SMC6: variants seen among roughly 807,000 people sequenced by gnomAD.
SMC6 encodes structural maintenance of chromosomes protein 6.
In SMC6, 79 loss-of-function variants were observed where a neutral mutation model predicts 142.2. That is an observed-to-expected ratio of 0.56 (90% CI 0.46 to 0.67). The LOEUF is 0.67. Ranked by LOEUF, SMC6 falls within the 30% of genes least tolerant of loss-of-function variation. The pLI is 0.00. For missense variants in SMC6, 1,072 were observed against 1,284.0 expected (o/e 0.83, Z 2.52); for synonymous variants, 411 against 412.4 (o/e 1.00, Z 0.04).
At chr2:17,736,990 C>A (rs1328490558) in intron 5 of SMC6, among the ~76,000 whole-genome samples, 1 of 152,002 alleles carries the variant, frequency 6.6e-6, no homozygotes, top group Admixed American at 6.5e-5. Flanking sequence ...GTTAAAATAA[C>A]TAATTTTTTG....
At chr2:17,683,944 G>A (rs1239266027) in intron 23 of SMC6, among the ~76,000 whole-genome samples, 181 bp from the exon 24 acceptor site, 3 of 152,100 alleles carry the variant, frequency 2.0e-5, no homozygotes, top group African/African-American at 2.4e-5. Context: ...AGGGTGGTAC[G>A]GAATAAGAAA....
Position 17,707,349 on chromosome 2 carries a change from A to T in SMC6, c.1876T>A (p.Ser626Thr). 1 of 1,582,582 alleles carries T rather than the reference A, an allele frequency of 6.3e-7. No homozygotes were observed. The highest frequency in any genetic ancestry group is 8.6e-7 in the Non-Finnish European group (1 of 1,166,956). The change falls in exon 18 of 28, where the codon TCC (serine) becomes ACC (threonine). Residue 626 changes from serine (S) to threonine (T), a missense_variant. Physicochemically the swap from Ser to Thr is moderately conservative, Grantham distance 58. Transcript: ENST00000448223. ...NNSVARAVMQ[S>T]QKPPKNCREA... is the part of the protein sequence containing the mutation. ...CTACAATTTTTGGGTGGCTTTTGGG[A>T]CTGCATTACTGCACGAGCTACAGAA...
intron 7 of SMC6, among the ~76,000 whole-genome samples, chr2:17,728,661 G>C (rs1394105961): frequency 6.6e-6 from 1 of 152,132 alleles, no homozygotes; most frequent in African/African-American, 2.4e-5. Context: ...AGACAAATAT[G>C]ATCAGACACT....
intron 1 of SMC6, among the ~76,000 whole-genome samples, chr2:17,753,338 T>G (rs1671176387): frequency 6.6e-6 from 1 of 151,708 alleles, no homozygotes; most frequent in African/African-American, 2.4e-5. Context: ...GACGGCCGCC[T>G]GGGAGGGGAC....
Position 17,739,841 on chromosome 2 carries a change from CACAG to C in SMC6, c.239-1519_239-1516del, listed in dbSNP as rs1352489553. Among the ~76,000 whole-genome samples, 75 of 86,810 alleles carry C rather than the reference CACAG, an allele frequency of 8.6e-4. 1 individual carries two copies. Among genetic ancestry groups the C allele is most frequent in the African/African-American group, 3.9e-3 (71 of 18,174 alleles). The allele number at this position is 86,810 out of a possible 152,430, so 57.0% of individuals were successfully genotyped here. On this transcript the variant is annotated intron_variant, in intron 4 of 27. Coordinates refer to ENST00000448223, the MANE Select transcript of SMC6 (RefSeq NM_001142286.2). ...CTTTAAACACACACACACACACACA[CACAG>C]ACACACACACACACACACACAGAGA...
At chr2:17,686,477 G>C (rs144073584) in intron 23 of SMC6, among the ~76,000 whole-genome samples, 1 of 152,162 alleles carries the variant, frequency 6.6e-6, no homozygotes, top group African/African-American at 2.4e-5. Context: ...GTGAGACTCC[G>C]TCCCAAAAAG....
Position 17,718,238 on chromosome 2 carries a change from C to A in SMC6, c.946-15G>T. 6.4e-7 allele frequency: 1 copy of A among 1,555,680 alleles called. No individual in the cohort carries two copies. Among genetic ancestry groups the A allele is most frequent in the South Asian group, 1.3e-5 (1 of 79,290 alleles). On this transcript the variant is annotated splice_polypyrimidine_tract_variant and intron_variant, in intron 11 of 27. Coordinates refer to ENST00000448223, the MANE Select transcript of SMC6 (RefSeq NM_001142286.2). ...TTAAGTCTGACCTTTAAGAAAATAA[C>A]ATTATTGAAGTATATTTTTTCTTCA...
chr2:17,701,843 C>T lies in SMC6; in HGVS notation c.2209G>A (p.Asp737Asn). ...AAGTATTTTACCAAAGTTGCAATAT[C>T]TACAGACTGGTGTTCTTCTATGTTC... Reference protein sequence around the residue: ...LENIEEHQSVDIATLEDEAQE... With the variant: ...LENIEEHQSVNIATLEDEAQE... The change falls in exon 20 of 28, where the codon GAT (aspartate) becomes AAT (asparagine). Residue 737 changes from aspartate (D) to asparagine (N), a missense_variant. This residue lies in a region of SMC6 where 994 missense variants were observed against 1,153.2 expected (regional missense o/e 0.86). Transcript: ENST00000448223. 1 of 1,572,398 alleles carries T rather than the reference C, an allele frequency of 6.4e-7. No individual in the cohort carries two copies. The highest frequency in any genetic ancestry group is 8.6e-7 in the Non-Finnish European group (1 of 1,156,456).
chr2:17,721,436 C>T (rs181085914), intron 9 of SMC6, among the ~76,000 whole-genome samples, 175 bp from the exon 10 acceptor site: 1 of 152,096 alleles, frequency 6.6e-6, no homozygotes, highest in East Asian at 1.9e-4. Flanking sequence ...TTTAGTAAGT[C>T]CAATAATTTT....
chr2:17,731,770 C>T lies in SMC6; in HGVS notation c.452G>A (p.Ser151Asn). 3.1e-6 allele frequency: 5 copies of T among 1,613,246 alleles called. No homozygotes were observed. The highest frequency in any genetic ancestry group is 4.2e-6 in the Non-Finnish European group (5 of 1,179,660). The change falls in exon 6 of 28, where the codon AGT (serine) becomes AAT (asparagine). Residue 151 changes from serine to asparagine, a missense_variant. Around this residue, in one of 3 missense-constraint regions of SMC6, gnomAD observed 994 missense variants for 1,153.2 expected, o/e 0.86. Transcript: ENST00000448223. Reference sequence around the variant, plus strand: ...TGCACTTTTAAGTTTATAAGATCGACTTCCATCTATGCTGATGTGTTGCTG... The same window carrying T: ...TGCACTTTTAAGTTTATAAGATCGATTTCCATCTATGCTGATGTGTTGCTG... ...LIQQHISIDG[S>N]RSYKLKSATG...
chr2:17,670,377 C>T, intron 26 of SMC6, 46 bp downstream of exon 26: 1 of 1,564,422 alleles, frequency 6.4e-7, no homozygotes, highest in Admixed American at 1.9e-5. Context: ...ATACATGTTT[C>T]AAACAAACAA....
chr2:17,694,286 T>C (rs939382722), intron 23 of SMC6, among the ~76,000 whole-genome samples: 1 of 152,162 alleles, frequency 6.6e-6, no homozygotes, highest in Non-Finnish European at 1.5e-5. Context: ...TGCTGTTTGA[T>C]AGCACAGTAG....
intron 21 of SMC6, among the ~76,000 whole-genome samples, chr2:17,698,120 C>T (rs954316302): frequency 2.0e-5 from 3 of 151,940 alleles, no homozygotes; most frequent in Non-Finnish European, 4.4e-5. Flanking sequence ...TTTGTTTTTG[C>T]CAGGGGATGG....
At chr2:17,713,544 G>A in intron 16 of SMC6, 1 of 471,066 alleles carries the variant, frequency 2.1e-6, no homozygotes, top group Non-Finnish European at 4.4e-6. Flanking sequence ...TCACAGAGCA[G>A]GCCCCACCAG....
At chr2:17,740,399 T>C (rs1223568376) in intron 4 of SMC6, among the ~76,000 whole-genome samples, 2 of 152,178 alleles carry the variant, frequency 1.3e-5, no homozygotes, top group Non-Finnish European at 2.9e-5. Flanking sequence ...CCTCTCCCTG[T>C]GTACCTTCTC....
rs111602152 is a variant in SMC6 at position 17,697,401 on chromosome 2, T to C, written c.2395-975A>G. On this transcript the variant is annotated intron_variant, in intron 21 of 27. Coordinates refer to ENST00000448223, the MANE Select transcript of SMC6 (RefSeq NM_001142286.2). ...GGTCAATACAAAATTCAGTCATCTA[T>C]CTATATACTAGGAATAATTGAAAAA... is the stretch of plus-strand genomic sequence containing the variant. Among the ~76,000 whole-genome samples, 1,448 of 152,176 alleles carry C rather than the reference T, an allele frequency of 9.5e-3. 19 individuals are homozygous for C. Among genetic ancestry groups the C allele is most frequent in the African/African-American group, 0.034 (1,412 of 41,572 alleles).
chr2:17,666,591 T>C (rs1221052483), intron 26 of SMC6, 74 bp from the exon 27 acceptor site: 2 of 1,040,252 alleles, frequency 1.9e-6, no homozygotes, highest in Non-Finnish European at 1.5e-6. Flanking sequence ...TTCTGTGGGC[T>C]GATACAAGCT....
chr2:17,693,088 A>C (rs938199009), intron 23 of SMC6, among the ~76,000 whole-genome samples: 1 of 152,182 alleles, frequency 6.6e-6, no homozygotes, highest in African/African-American at 2.4e-5. Context: ...AGAAATAGGA[A>C]CACTTTTACA....
chr2:17,721,315 A>G, intron 9 of SMC6, 54 bp from the exon 10 acceptor site: 3 of 1,482,694 alleles, frequency 2.0e-6, no homozygotes, highest in Non-Finnish European at 2.7e-6. Flanking sequence ...GAAAAAACAC[A>G]TTTTTGCAAA....
Sources: gnomAD v4.1 joint callset for allele counts (sites outside exome capture counted in the v4.1 genomes callset) on GRCh38, gnomAD v4.1.1 for gene constraint, gnomAD v4.1.1 regional missense constraint, MANE v1.5 for transcripts, NCBI Gene and HGNC (gene_info 2026-07-23, HGNC 2026-07-21) for gene names.